The following RFC3 variants were observed in gnomAD, a reference collection of about 807,000 sequenced individuals.
RFC3 encodes replication factor C subunit 3.
RFC3 carries 41 observed loss-of-function variants against 45.1 expected under a neutral mutation model. That is an observed-to-expected ratio of 0.91 (90% CI 0.71 to 1.18). RFC3 has a LOEUF of 1.18. Among genes scored for constraint, RFC3 ranks in the 50% most tolerant of loss-of-function variants. The probability of loss-of-function intolerance (pLI) is 0.00; values close to 1 mark genes in which losing one functional copy is unlikely to be tolerated. For synonymous variants in RFC3, 149 were observed against 144.0 expected (o/e 1.03, Z -0.25); for missense variants, 423 against 428.1 (o/e 0.99, Z 0.10).
downstream of RFC3, among the ~76,000 whole-genome samples, chr13:33,841,329 A>G (rs113549387): frequency 6.2e-4 from 94 of 152,330 alleles, no homozygotes; most frequent in African/African-American, 2.0e-3. Context: ...AGTACATACT[A>G]TGCTGCCTGA....
chr13:33,905,643 C>G (rs962475776), intron 8 of RFC3, among the ~76,000 whole-genome samples: 1 of 152,018 alleles, frequency 6.6e-6, no homozygotes, highest in African/African-American at 2.4e-5. Flanking sequence ...GTTCATGGTA[C>G]AGATGATTGC....
At chr13:33,838,398 A>G (rs991489370), downstream of RFC3, among the ~76,000 whole-genome samples, 2 of 152,044 alleles carry the variant, frequency 1.3e-5, no homozygotes, top group East Asian at 3.9e-4. Flanking sequence ...TTTCTCTGGA[A>G]TGTAGTTTAC....
chr13:33,896,108 A>G (rs1414356718), intron 8 of RFC3, among the ~76,000 whole-genome samples: 1 of 152,040 alleles, frequency 6.6e-6, no homozygotes, highest in African/African-American at 2.4e-5. Context: ...TCGCCACTGT[A>G]CAATTTGTTT....
At chr13:33,958,672 T>C (rs1011399951) in intron 8 of RFC3, among the ~76,000 whole-genome samples, 8 of 152,216 alleles carry the variant, frequency 5.3e-5, no homozygotes, top group Admixed American at 2.0e-4. Context: ...AGGTAAGGCT[T>C]GATGTGGCTT....
At chr13:33,896,973 A>C (rs920126107) in intron 8 of RFC3, among the ~76,000 whole-genome samples, 2 of 152,058 alleles carry the variant, frequency 1.3e-5, no homozygotes, top group Admixed American at 6.6e-5. Flanking sequence ...AACTATCTTA[A>C]AAGAAATTAT....
rs1191968354 is a variant in RFC3 at position 33,836,442 on chromosome 13, CCT to C, written c.*150_*151del. The C allele has an allele frequency of 6.9e-7, 1 of 1,446,430 alleles. No individual in the cohort carries two copies. The highest frequency in any genetic ancestry group is 1.4e-5 in the African/African-American group (1 of 70,156). 89.6% of individuals were successfully genotyped at this position (1,446,430 alleles called of 1,614,324 possible). A position where few individuals can be genotyped will look rare whatever the true frequency, so the allele number is the denominator to read the frequency against. The stretch of plus-strand genomic sequence containing the variant: ...AACTTCTCTGTGAACTATTAATCAT[CCT>C]CTGAGTTAAATAATTGCTCCTATAC... On this transcript the variant is annotated 3_prime_UTR_variant, in exon 9 of 9. Transcript: ENST00000380071.
At chr13:33,903,148 G>A (rs76765909) in intron 8 of RFC3, among the ~76,000 whole-genome samples, 1,655 of 152,048 alleles carry the variant, frequency 0.011, 36 homozygotes, top group African/African-American at 0.038. Flanking sequence ...CCAAATCCCG[G>A]TTACTCTCTC....
chr13:33,957,844 G>T (rs926442728), intron 8 of RFC3, among the ~76,000 whole-genome samples: 1 of 152,124 alleles, frequency 6.6e-6, no homozygotes, highest in African/African-American at 2.4e-5. Flanking sequence ...TCCCAGGCTG[G>T]CCAGGTGGCA....
downstream of RFC3, among the ~76,000 whole-genome samples, chr13:33,839,718 C>T (rs915693508): frequency 6.6e-6 from 1 of 152,154 alleles, no homozygotes; most frequent in Non-Finnish European, 1.5e-5. Context: ...TTTGTAGACT[C>T]AAATTTCAGT....
rs71074991 is a variant in RFC3, at chr13:33,908,607, TACACACAC to T, written c.880-57445_880-57438del. 9.4e-3 allele frequency among the ~76,000 whole-genome samples: 1,340 copies of T among 142,538 alleles called. 10 individuals are homozygous for T. The highest frequency in any genetic ancestry group is 0.012 in the Non-Finnish European group (804 of 65,648). The allele number at this position is 142,538 out of a possible 152,430, so 93.5% of individuals were successfully genotyped here. A position where few individuals can be genotyped will look rare whatever the true frequency, so the allele number is the denominator to read the frequency against. The stretch of plus-strand genomic sequence containing the variant: ...CCAGAGAAAAAGAACACACAGGAGA[TACACACAC>T]ACACACACACACACACACACACACA... On this transcript the variant is annotated intron_variant, in intron 8 of 8. Transcript: ENST00000434425.
chr13:33,828,358 C>T (rs1408669867), intron 4 of RFC3, among the ~76,000 whole-genome samples: 2 of 152,150 alleles, frequency 1.3e-5, no homozygotes, highest in East Asian at 3.8e-4. Context: ...CGGCTACCCA[C>T]AGTGCTGGGA....
the RFC3 span, among the ~76,000 whole-genome samples, chr13:33,973,644 T>TCCC: frequency 4.0e-4 from 56 of 140,678 alleles, no homozygotes; most frequent in African/African-American, 1.4e-3. Flanking sequence ...CCTCTCCCTC[T>TCCC]TCTTCTTCTT....
At chr13:33,847,509 C>T (rs537376890) in intron 8 of RFC3, 7 of 151,864 alleles carry the variant, frequency 4.6e-5, no homozygotes, top group Admixed American at 1.3e-4. Context: ...TAGTTGTTAT[C>T]TACTGTAAGA....
the RFC3 span, among the ~76,000 whole-genome samples, chr13:33,972,070 C>T: frequency 1.3e-5 from 2 of 152,164 alleles, no homozygotes; most frequent in South Asian, 2.1e-4. Flanking sequence ...GAGCCGAGAT[C>T]GCACCACGGC....
At chr13:33,862,274 T>C (rs1349661280) in intron 8 of RFC3, among the ~76,000 whole-genome samples, 2 of 150,178 alleles carry the variant, frequency 1.3e-5, no homozygotes, top group Non-Finnish European at 3.0e-5. Context: ...TTTTTTTTTG[T>C]CTGACACTTT....
intron 8 of RFC3, among the ~76,000 whole-genome samples, chr13:33,858,549 C>T (rs908742824): frequency 6.6e-6 from 1 of 152,104 alleles, no homozygotes; most frequent in African/African-American, 2.4e-5. Flanking sequence ...GCTGAAACCC[C>T]AAATAATCAC....
intron 8 of RFC3, among the ~76,000 whole-genome samples, chr13:33,845,051 A>G (rs146263573): frequency 2.0e-5 from 3 of 152,354 alleles, no homozygotes; most frequent in African/African-American, 7.2e-5. Context: ...TTCACAGGAT[A>G]TAAGTCTAGG....
intron 2 of RFC3, 31 bp from the exon 3 acceptor site, chr13:33,823,886 A>ATG: frequency 8.3e-7 from 1 of 1,211,424 alleles, no homozygotes; most frequent in Non-Finnish European, 1.2e-6. Context: ...CAATAAATAA[A>ATG]TGTTAAAAAT....
rs3135630 is a variant in RFC3 at position 33,835,561 on chromosome 13, C to G, written c.879+344C>G. 3.7e-4 allele frequency: 172 copies of G among 461,298 alleles called. 1 individual carries two copies. The highest frequency in any genetic ancestry group is 3.3e-3 in the African/African-American group (166 of 50,352). The allele number at this position is 461,298 out of a possible 1,614,324, so 28.6% of individuals were successfully genotyped here. ...AGAAAAAAGTGAAGTTCCACCCATC[C>G]GTTTTCACAAAGGTAACCACTTTTA... is the stretch of plus-strand genomic sequence containing the variant. On this transcript the variant is annotated intron_variant, in intron 8 of 8. Coordinates refer to ENST00000380071, the MANE Select transcript of RFC3 (RefSeq NM_002915.4).
Sources: allele counts gnomAD v4.1 joint callset (sites outside exome capture counted in the v4.1 genomes callset), GRCh38; gene constraint gnomAD v4.1.1; transcripts MANE v1.5; gene names NCBI Gene and HGNC (gene_info 2026-07-23, HGNC 2026-07-21).